The following MYPN variants were observed in gnomAD, a reference collection of about 807,000 sequenced individuals.
MYPN encodes the protein sarcomeric protein myopalladin, 145 kDa (MYOP).
Under a neutral mutation model 129.4 loss-of-function variants are expected in MYPN, and 63 were observed. The ratio of observed to expected loss-of-function variants is 0.49; its 90% CI spans 0.40 to 0.60. The LOEUF (loss-of-function observed/expected upper bound fraction) is 0.60, where lower values mean the gene tolerates loss of function less well. Ranked by LOEUF, MYPN falls within the 20% of genes least tolerant of loss-of-function variation. The pLI is 0.00. For synonymous variants in MYPN, 629 were observed against 600.9 expected (o/e 1.05, Z -0.68); for missense variants, 1,596 against 1,635.4 (o/e 0.98, Z 0.42).
intron 18 of MYPN, among the ~76,000 whole-genome samples, chr10:68,204,055 G>GAGCAGTGCCC (rs1442110866): frequency 6.6e-6 from 1 of 152,158 alleles, no homozygotes; most frequent in Non-Finnish European, 1.5e-5. Context: ...TTCTAAGGAA[G>GAGCAGTGCCC]AGCAGTGCCC....
chr10:68,158,407 T>C (rs1408080913), intron 6 of MYPN, 79 bp from the exon 7 acceptor site: 2 of 1,405,648 alleles, frequency 1.4e-6, no homozygotes, highest in African/African-American at 2.9e-5. Flanking sequence ...ACGGCATCTT[T>C]TTCTAAAATT....
At chr10:68,102,093 A>C (rs2041984490), upstream of MYPN, among the ~76,000 whole-genome samples, 1 of 147,806 alleles carries the variant, frequency 6.8e-6, no homozygotes, top group Non-Finnish European at 1.5e-5. Context: ...TCTCTTAAAC[A>C]GCAATTTTCA....
intron 2 of MYPN, among the ~76,000 whole-genome samples, chr10:68,131,179 A>G (rs2042405052): frequency 6.6e-6 from 1 of 152,188 alleles, no homozygotes; most frequent in Admixed American, 6.5e-5. Context: ...ACTTGAGGTC[A>G]GGAGTTCGAG....
intron 12 of MYPN, among the ~76,000 whole-genome samples, chr10:68,179,670 TA>T (rs1359535160): frequency 6.6e-6 from 1 of 152,192 alleles, no homozygotes; most frequent in Non-Finnish European, 1.5e-5. Flanking sequence ...AAAACTTTTT[TA>T]TTTTTTTGAG....
intron 6 of MYPN, among the ~76,000 whole-genome samples, chr10:68,152,977 A>ATTTATTTTAT (rs111383760): frequency 6.8e-6 from 1 of 147,596 alleles, no homozygotes; most frequent in African/African-American, 2.5e-5. Context: ...ATTTTATTTT[A>ATTTATTTTAT]TTTATTTTAT....
Position 68,122,206 on chromosome 10 carries a change from T to G in MYPN, c.768T>G (p.Pro256=), listed in dbSNP as rs777192532. 6.2e-7 allele frequency: 1 copy of G among 1,608,976 alleles called. No individual in the cohort carries two copies. The highest frequency in any genetic ancestry group is 8.5e-7 in the Non-Finnish European group (1 of 1,177,474). The stretch of plus-strand genomic sequence containing the variant: ...GAGACACTACACCAGGGTCTTCCCC[T>G]TCATCTCTGTACTATGAAGAACCTC... The part of the protein sequence containing the change: ...AGGDTTPGSS[P]SSLYYEEPLG... Residue 256 remains proline (P), a synonymous_variant, in exon 2 of 20, where the codon CCT becomes CCG. Transcript: ENST00000358913.
chr10:68,206,967 A>C, intron 19 of MYPN, 64 bp downstream of exon 19: 1 of 1,593,780 alleles, frequency 6.3e-7, no homozygotes, highest in Non-Finnish European at 8.6e-7. Context: ...ATTTTTTTAA[A>C]GATAAATGGG....
chr10:68,119,037 C>T (rs975485868), intron 1 of MYPN, among the ~76,000 whole-genome samples: 3 of 152,022 alleles, frequency 2.0e-5, no homozygotes, highest in Non-Finnish European at 2.9e-5. Context: ...GAAAATTAAA[C>T]GAGGCTAAAG....
Position 68,182,417 on chromosome 10 carries a change from C to CATATATATATAACACATATATATAACAT in MYPN, c.2704-6479_2704-6478insTAACACATATATATAACATATATATATA, listed in dbSNP as rs374959374. Among the ~76,000 whole-genome samples, 51 of 86,032 alleles carry CATATATATATAACACATATATATAACAT rather than the reference C, an allele frequency of 5.9e-4. 1 individual carries two copies. The highest frequency in any genetic ancestry group is 8.5e-3 in the Middle Eastern group (1 of 118). 56.4% of individuals were successfully genotyped at this position (86,032 alleles called of 152,430 possible). On this transcript the variant is annotated intron_variant, in intron 12 of 19. Coordinates refer to ENST00000358913, the MANE Select transcript of MYPN (RefSeq NM_032578.4). ...ACATATATATAACACATATATATAA[C>CATATATATATAACACATATATATAACAT]ATATATATAACACATATATATAACA... is the stretch of plus-strand genomic sequence containing the variant.
At chr10:68,183,287 C>T (rs1380747636) in intron 12 of MYPN, among the ~76,000 whole-genome samples, 1 of 151,990 alleles carries the variant, frequency 6.6e-6, no homozygotes, top group Non-Finnish European at 1.5e-5. Context: ...ATGGCGAAAC[C>T]CCATCTACAA....
chr10:68,120,782 A>G (rs1366390128), intron 1 of MYPN, among the ~76,000 whole-genome samples: 3 of 152,196 alleles, frequency 2.0e-5, no homozygotes, highest in Non-Finnish European at 2.9e-5. Context: ...GTATAACTAA[A>G]AGACCATTAT....
chr10:68,171,113 C>T (rs1033131515), intron 10 of MYPN, among the ~76,000 whole-genome samples: 4 of 147,010 alleles, frequency 2.7e-5, no homozygotes, highest in African/African-American at 1.0e-4. Flanking sequence ...CATGCCACTG[C>T]ACTCCAGCCT....
intron 1 of MYPN, among the ~76,000 whole-genome samples, chr10:68,117,423 T>G (rs1245627094): frequency 6.6e-6 from 1 of 152,108 alleles, no homozygotes; most frequent in African/African-American, 2.4e-5. Context: ...TTGGAGACTG[T>G]GTCAAGGACA....
At chr10:68,135,503 A>G (rs2042472971) in intron 2 of MYPN, 1 of 984,790 alleles carries the variant, frequency 1.0e-6, no homozygotes. Context: ...GCTTGGAGAG[A>G]GCTGGAAATG....
chr10:68,187,119 C>T (rs191796603), intron 12 of MYPN, among the ~76,000 whole-genome samples: 2 of 152,170 alleles, frequency 1.3e-5, no homozygotes, highest in East Asian at 1.9e-4. Flanking sequence ...CACCTGTAAT[C>T]CCAGCACTAT....
intron 6 of MYPN, among the ~76,000 whole-genome samples, chr10:68,157,622 C>T (rs1388464972): frequency 6.8e-6 from 1 of 147,630 alleles, no homozygotes; most frequent in African/African-American, 2.5e-5. Flanking sequence ...TCACTTGAGC[C>T]CAGAAGTTTG....
chr10:68,161,332 T>C (rs2042971267), intron 7 of MYPN, among the ~76,000 whole-genome samples: 1 of 151,646 alleles, frequency 6.6e-6, no homozygotes, highest in East Asian at 1.9e-4. Context: ...CCCATCTCTA[T>C]CAAAAATACA....
chr10:68,155,327 A>C (rs944215735), intron 6 of MYPN, among the ~76,000 whole-genome samples: 1 of 152,230 alleles, frequency 6.6e-6, no homozygotes, highest in African/African-American at 2.4e-5. Flanking sequence ...TGGCCATGGA[A>C]GAAGACAAGC....
At chr10:68,133,384 T>G (rs926600868) in intron 2 of MYPN, among the ~76,000 whole-genome samples, 3 of 151,782 alleles carry the variant, frequency 2.0e-5, no homozygotes, top group Middle Eastern at 3.2e-3. Flanking sequence ...TGGAAGAGAG[T>G]CAAGTTTTGT....
Sources: allele counts gnomAD v4.1 joint callset (sites outside exome capture counted in the v4.1 genomes callset), GRCh38; gene constraint gnomAD v4.1.1; transcripts MANE v1.5; gene names NCBI Gene and HGNC (gene_info 2026-07-23, HGNC 2026-07-21).